The following KHDRBS2 variants were observed in gnomAD, a reference collection of about 807,000 sequenced individuals.
The protein encoded by KHDRBS2 is KH domain-containing, RNA-binding, signal transduction-associated protein 2.
A neutral mutation model predicts 44.3 loss-of-function variants in KHDRBS2; 26 were observed. That is an observed-to-expected ratio of 0.59 (90% CI 0.43 to 0.81). The LOEUF (loss-of-function observed/expected upper bound fraction) is 0.81, where lower values mean the gene tolerates loss of function less well. Among genes scored for constraint, KHDRBS2 ranks in the 40% least tolerant of loss-of-function variants. The probability of loss-of-function intolerance (pLI) is 0.00; values close to 1 mark genes in which losing one functional copy is unlikely to be tolerated. For missense variants in KHDRBS2, 476 were observed against 433.1 expected, an observed-to-expected ratio of 1.10 and a Z score of -0.88; for synonymous variants, 194 against 151.1, an observed-to-expected ratio of 1.28 and a Z score of -2.08.
chr6:61,795,995 A>C (rs1785298050), intron 6 of KHDRBS2, among the ~76,000 whole-genome samples: 1 of 152,148 alleles, frequency 6.6e-6, no homozygotes, highest in South Asian at 2.1e-4. Context: ...ATAAAACAGA[A>C]TGGGTGTGAG....
chr6:61,607,519 G>GCAAAAAAAAAAAAAAAAAAAAA, the KHDRBS2 span, among the ~76,000 whole-genome samples: 1 of 23,322 alleles, frequency 4.3e-5, no homozygotes, highest in Non-Finnish European at 7.6e-5. Context: ...TGAGTTCCAA[G>GCAAAAAAAAAAAAAAAAAAAAA]CAAAAAAAAA....
chr6:61,649,537 C>T, the KHDRBS2 span, among the ~76,000 whole-genome samples: 14 of 152,194 alleles, frequency 9.2e-5, no homozygotes, highest in East Asian at 2.7e-3. Context: ...AATCAAATGC[C>T]TATTTATCAT....
At chr6:61,630,305 G>A in the KHDRBS2 span, 1 of 152,118 alleles carries the variant, frequency 6.6e-6, no homozygotes, top group Admixed American at 6.6e-5. Context: ...GACTATCTTT[G>A]AATCAAAGTT....
At chr6:62,012,524 A>AT (rs1780493965) in intron 3 of KHDRBS2, among the ~76,000 whole-genome samples, 1 of 152,128 alleles carries the variant, frequency 6.6e-6, no homozygotes, top group Non-Finnish European at 1.5e-5. Context: ...TAAACGGCCT[A>AT]TTTTATCTAG....
chr6:62,012,974 T>A (rs1780572826), intron 3 of KHDRBS2, among the ~76,000 whole-genome samples: 1 of 152,170 alleles, frequency 6.6e-6, no homozygotes, highest in South Asian at 2.1e-4. Flanking sequence ...AATGAACATA[T>A]GGTGTTGTGG....
chr6:62,228,744 T>C (rs757289980), intron 1 of KHDRBS2, among the ~76,000 whole-genome samples: 5 of 152,166 alleles, frequency 3.3e-5, no homozygotes, highest in African/African-American at 4.8e-5. Flanking sequence ...TTTGTTCTCA[T>C]TGGTTTCAAA....
chr6:62,165,706 T>C (rs956621134), intron 2 of KHDRBS2, among the ~76,000 whole-genome samples: 2 of 151,904 alleles, frequency 1.3e-5, no homozygotes, highest in African/African-American at 4.8e-5. Flanking sequence ...TATATATCAC[T>C]GTCATTATTA....
chr6:61,543,621 A>T, the KHDRBS2 span, among the ~76,000 whole-genome samples: 3 of 151,766 alleles, frequency 2.0e-5, no homozygotes, highest in Non-Finnish European at 2.9e-5. Flanking sequence ...CAAAGAAAGG[A>T]AATCAGTATA....
the KHDRBS2 span, among the ~76,000 whole-genome samples, chr6:61,569,262 A>G: frequency 6.6e-6 from 1 of 152,168 alleles, no homozygotes; most frequent in Non-Finnish European, 1.5e-5. Context: ...GTCTGAGCCC[A>G]GACCCTCCTA....
Position 61,954,870 on chromosome 6 carries a change from A to G in KHDRBS2, c.483+23196T>C, listed in dbSNP as rs1385654696. Among the ~76,000 whole-genome samples, 173 of 83,526 alleles carry G rather than the reference A, an allele frequency of 2.1e-3. 30 individuals carry two copies. The highest frequency in any genetic ancestry group is 6.9e-3 in the African/African-American group (157 of 22,686). The allele number at this position is 83,526 out of a possible 152,430, so 54.8% of individuals were successfully genotyped here. A position where few individuals can be genotyped will look rare whatever the true frequency, so the allele number is the denominator to read the frequency against. ...CATATGCATGTGTATATACACATAC[A>G]TATGTGTATATATGTATATATACAC... is the stretch of plus-strand genomic sequence containing the variant. On this transcript the variant is annotated intron_variant, in intron 4 of 8. Transcript: ENST00000281156.
chr6:62,213,134 T>C (rs1039366236), intron 1 of KHDRBS2, among the ~76,000 whole-genome samples: 1 of 152,052 alleles, frequency 6.6e-6, no homozygotes, highest in African/African-American at 2.4e-5. Flanking sequence ...GAAGGGGAAA[T>C]TTTAATCCGT....
chr6:61,794,623 T>C (rs1158866709), intron 6 of KHDRBS2, among the ~76,000 whole-genome samples: 1 of 152,076 alleles, frequency 6.6e-6, no homozygotes, highest in Non-Finnish European at 1.5e-5. Context: ...AAAAACAACA[T>C]GGAATCAGAG....
At chr6:62,236,716 C>T (rs1406462664) in intron 1 of KHDRBS2, among the ~76,000 whole-genome samples, 4 of 152,044 alleles carry the variant, frequency 2.6e-5, no homozygotes, top group African/African-American at 7.2e-5. Flanking sequence ...AAAGCAAATA[C>T]ATGTAAAATA....
intron 2 of KHDRBS2, among the ~76,000 whole-genome samples, chr6:62,141,029 T>C (rs987176290): frequency 2.0e-5 from 3 of 152,190 alleles, no homozygotes; most frequent in African/African-American, 7.2e-5. Flanking sequence ...TTTGGAAATA[T>C]ATGACATGTT....
At chr6:61,990,271 G>T (rs1372856627) in intron 3 of KHDRBS2, among the ~76,000 whole-genome samples, 1 of 152,154 alleles carries the variant, frequency 6.6e-6, no homozygotes, top group African/African-American at 2.4e-5. Context: ...ATAAAGCCAT[G>T]AATTAACAAA....
the KHDRBS2 span, among the ~76,000 whole-genome samples, chr6:61,583,114 A>T: frequency 1.3e-5 from 2 of 151,786 alleles, no homozygotes; most frequent in South Asian, 2.1e-4. Flanking sequence ...CTTTTCTACC[A>T]TTCTACAAAA....
chr6:61,783,628 C>G (rs1004723979), intron 6 of KHDRBS2, among the ~76,000 whole-genome samples: 2 of 151,948 alleles, frequency 1.3e-5, no homozygotes, highest in African/African-American at 2.4e-5. Context: ...AAAATCAAAT[C>G]GATTTTCTTG....
At chr6:62,109,432 A>T (rs1415944344) in intron 2 of KHDRBS2, among the ~76,000 whole-genome samples, 1 of 151,998 alleles carries the variant, frequency 6.6e-6, no homozygotes, top group Admixed American at 6.6e-5. Flanking sequence ...TTTTGGTTTT[A>T]ACACTTCTAA....
intron 2 of KHDRBS2, among the ~76,000 whole-genome samples, chr6:62,093,804 C>T (rs1799959613): frequency 6.6e-6 from 1 of 150,770 alleles, no homozygotes; most frequent in Non-Finnish European, 1.5e-5. Flanking sequence ...CTCCATGTTG[C>T]TGCAAATGAC....
Sources: gnomAD v4.1 joint callset for allele counts (sites outside exome capture counted in the v4.1 genomes callset) on GRCh38, gnomAD v4.1.1 for gene constraint, MANE v1.5 for transcripts, NCBI Gene and HGNC (gene_info 2026-07-23, HGNC 2026-07-21) for gene names.